The following MAN1C1 variants were observed in gnomAD, a reference collection of about 807,000 sequenced individuals.
The protein encoded by MAN1C1 is mannosidase alpha class 1C member 1.
A neutral mutation model predicts 71.5 loss-of-function variants in MAN1C1; 49 were observed. The ratio of observed to expected loss-of-function variants is 0.69; its 90% CI spans 0.54 to 0.87. MAN1C1 has a LOEUF of 0.87. Among genes scored for constraint, MAN1C1 ranks in the 40% least tolerant of loss-of-function variants. The pLI is 0.00. For missense variants in MAN1C1, 743 were observed against 835.0 expected (o/e 0.89, Z 1.36); for synonymous variants, 352 against 343.7 (o/e 1.02, Z -0.27).
intron 2 of MAN1C1, among the ~76,000 whole-genome samples, chr1:25,708,846 T>A (rs761490780): frequency 1.3e-5 from 2 of 151,870 alleles, no homozygotes; most frequent in Admixed American, 6.6e-5. Context: ...ATTGCACCAC[T>A]GCACTCCAGC....
At position 25,671,848 on chromosome 1, in the gene MAN1C1, A is replaced by G. The variant is rs557427486; in HGVS notation, c.541-14592A>G. 2.6e-5 allele frequency among the ~76,000 whole-genome samples: 4 copies of G among 152,342 alleles called. No individual in the cohort carries two copies. The South Asian group carries it at 8.3e-4, about 32-fold the overall frequency. On this transcript the variant is annotated intron_variant, in intron 1 of 11. Transcript: ENST00000374332. ...GCAGGTGTTGGCCAGGCCATGCTGC[A>G]TTCCTTTCTGGAGGTTCTAGGGGAG... is the stretch of plus-strand genomic sequence containing the variant.
intron 2 of MAN1C1, among the ~76,000 whole-genome samples, chr1:25,702,730 T>C (rs139139919): frequency 3.0e-4 from 46 of 152,330 alleles, no homozygotes; most frequent in Middle Eastern, 3.4e-3. Flanking sequence ...AAAATCCAAT[T>C]AGTTAATACA....
chr1:25,618,940 A>G (rs2045161143), intron 1 of MAN1C1, among the ~76,000 whole-genome samples: 1 of 152,208 alleles, frequency 6.6e-6, no homozygotes, highest in African/African-American at 2.4e-5. Context: ...ACAATTGTAC[A>G]TAATTGCATA....
At position 25,749,308 on chromosome 1, in the gene MAN1C1, C is replaced by T. The variant is rs773216027; in HGVS notation, c.807C>T (p.Leu269=). ...EVNIRYIGGL[L]SAFYLTGEEV... Reference sequence around the variant, plus strand: ...ACATCCGCTACATCGGGGGACTCCTCTCAGCCTTCTACCTGACAGGAGAAG... The same window carrying T: ...ACATCCGCTACATCGGGGGACTCCTTTCAGCCTTCTACCTGACAGGAGAAG... The change falls in exon 4 of 12, where the codon CTC becomes CTT. Residue 269 remains leucine (L), a synonymous_variant. Coordinates refer to ENST00000374332, the MANE Select transcript of MAN1C1 (RefSeq NM_020379.4). The T allele has an allele frequency of 1.2e-6, 2 of 1,612,210 alleles. No homozygotes were observed. Among genetic ancestry groups the T allele is most frequent in the East Asian group, 2.2e-5 (1 of 44,874 alleles).
rs1003751652 is a variant in MAN1C1 at position 25,691,574 on chromosome 1, G to C, written c.637+5038G>C. ...TTCATCAAGCGTCAGCTGCGATGAG[G>C]ATGCTGCAAAACCCTTAGAACAGTG... On this transcript the variant is annotated intron_variant, in intron 2 of 11. Coordinates refer to ENST00000374332, the MANE Select transcript of MAN1C1 (RefSeq NM_020379.4). Among the ~76,000 whole-genome samples, 5 of 152,220 alleles carry C rather than the reference G, an allele frequency of 3.3e-5. No individual in the cohort carries two copies. The East Asian group carries it at 9.6e-4, about 29-fold the overall frequency.
At chr1:25,751,595 A>G (rs1375185203) in intron 4 of MAN1C1, among the ~76,000 whole-genome samples, 1 of 152,238 alleles carries the variant, frequency 6.6e-6, no homozygotes, top group Non-Finnish European at 1.5e-5. Flanking sequence ...CTCCTGTGTC[A>G]GTCAGTGCAG....
intron 1 of MAN1C1, among the ~76,000 whole-genome samples, chr1:25,658,333 C>T (rs1455653757): frequency 2.0e-5 from 3 of 152,274 alleles, no homozygotes; most frequent in East Asian, 1.9e-4. Context: ...CTTGGTTATC[C>T]CAAACCATAG....
At chr1:25,749,712 C>A (rs2047189125) in intron 4 of MAN1C1, among the ~76,000 whole-genome samples, 1 of 152,210 alleles carries the variant, frequency 6.6e-6, no homozygotes, top group South Asian at 2.1e-4. Context: ...AGAGCAGCAG[C>A]TGGGTCCATA....
intron 1 of MAN1C1, among the ~76,000 whole-genome samples, chr1:25,630,776 T>G (rs1165495208): frequency 6.6e-6 from 1 of 152,222 alleles, no homozygotes. Context: ...GAGACTTTAA[T>G]GAATTTATTT....
Position 25,618,283 on chromosome 1 carries a change from T to C in MAN1C1, c.486T>C (p.Asp162=). Residue 162 remains aspartate (D), a synonymous_variant, in exon 1 of 12, where the codon GAT becomes GAC. Coordinates refer to ENST00000374332, the MANE Select transcript of MAN1C1 (RefSeq NM_020379.4). The part of the protein sequence containing the change: ...LRHPVLGTRA[D]ESQEPQSQVR... ...ACCCGGTCCTGGGAACGAGGGCCGA[T>C]GAGAGTCAGGAGCCCCAGAGCCAAG... is the stretch of plus-strand genomic sequence containing the variant. The C allele has an allele frequency of 6.2e-7, 1 of 1,604,124 alleles. No homozygotes were observed.
chr1:25,754,082 A>G (rs1279463015), intron 5 of MAN1C1, among the ~76,000 whole-genome samples: 1 of 152,124 alleles, frequency 6.6e-6, no homozygotes, highest in Non-Finnish European at 1.5e-5. Context: ...CCCAAACAGG[A>G]GCCTAGCTCT....
chr1:25,760,588 A>G (rs1034496854), intron 6 of MAN1C1: 1 of 152,192 alleles, frequency 6.6e-6, no homozygotes, highest in Non-Finnish European at 1.5e-5. Flanking sequence ...GTCGAGAGTA[A>G]CGCAGGTACA....
At chr1:25,657,773 C>T (rs876765) in intron 1 of MAN1C1, among the ~76,000 whole-genome samples, 7,583 of 152,246 alleles carry the variant, frequency 0.05, 627 homozygotes, top group African/African-American at 0.17. Context: ...GCTTTGGCCT[C>T]AGTAAGTTAT....
chr1:25,641,308 T>C (rs534840995), intron 1 of MAN1C1, among the ~76,000 whole-genome samples: 2 of 152,346 alleles, frequency 1.3e-5, no homozygotes, highest in African/African-American at 4.8e-5. Context: ...AAAAGGGATG[T>C]GACCAACCCC....
chr1:25,666,394 CCCAGCTAGA>C (rs1418269116), intron 1 of MAN1C1, among the ~76,000 whole-genome samples: 5 of 152,174 alleles, frequency 3.3e-5, no homozygotes, highest in Non-Finnish European at 7.3e-5. Flanking sequence ...CTTAAGTGGT[CCCAGCTAGA>C]CCTGGAGTCA....
At chr1:25,757,263 G>C (rs769799517) in intron 5 of MAN1C1, among the ~76,000 whole-genome samples, 2 of 152,156 alleles carry the variant, frequency 1.3e-5, no homozygotes, top group Non-Finnish European at 2.9e-5. Context: ...ACAGGGGCCA[G>C]TTCCTGGGAG....
intron 1 of MAN1C1, 95 bp downstream of exon 1, chr1:25,618,432 C>T (rs909039214): frequency 4.1e-4 from 514 of 1,246,936 alleles, no homozygotes; most frequent in Non-Finnish European, 3.0e-4. Flanking sequence ...GCCTCAGTCA[C>T]TCCTGGTCCC....
chr1:25,653,287 C>T (rs924909989), intron 1 of MAN1C1, among the ~76,000 whole-genome samples: 11 of 152,112 alleles, frequency 7.2e-5, no homozygotes, highest in Admixed American at 7.2e-4. Flanking sequence ...CTAAGTTGCC[C>T]AGGCTGGTTT....
chr1:25,628,945 G>A (rs886818353), intron 1 of MAN1C1, among the ~76,000 whole-genome samples: 3 of 152,072 alleles, frequency 2.0e-5, no homozygotes, highest in Admixed American at 6.6e-5. Context: ...TCACAGCTCC[G>A]TAGTATTCCA....
Sources: allele counts gnomAD v4.1 joint callset (sites outside exome capture counted in the v4.1 genomes callset), GRCh38; gene constraint gnomAD v4.1.1; transcripts MANE v1.5; gene names NCBI Gene and HGNC (gene_info 2026-07-23, HGNC 2026-07-21).